EML2: variants seen among roughly 807,000 people sequenced by gnomAD.
EML2 encodes EMAP like 2.
Under a neutral mutation model 84.7 loss-of-function variants are expected in EML2, and 59 were observed. The ratio of observed to expected loss-of-function variants is 0.70; its 90% CI spans 0.56 to 0.86. The LOEUF (loss-of-function observed/expected upper bound fraction) is 0.86. Ranked by LOEUF, EML2 falls within the 40% of genes least tolerant of loss-of-function variation. EML2 has a pLI of 0.00. For missense variants in EML2, 818 were observed against 855.6 expected, an observed-to-expected ratio of 0.96 and a Z score of 0.55; for synonymous variants, 352 against 348.9, an observed-to-expected ratio of 1.01 and a Z score of -0.10.
rs1418916400 is a variant in EML2 at position 45,614,685 on chromosome 19, C to T, written c.1613G>A (p.Cys538Tyr). The T allele has an allele frequency of 1.2e-6, 2 of 1,614,038 alleles. No individual in the cohort carries two copies. The highest frequency in any genetic ancestry group is 2.2e-5 in the East Asian group (1 of 44,878). Reference sequence around the variant, plus strand: ...AGCATCCGCACTGGTGATCTGCTTACAGGTAGCCGGGTCCCCTGGGGCAGA... The same window carrying T: ...AGCATCCGCACTGGTGATCTGCTTATAGGTAGCCGGGTCCCCTGGGGCAGA... ...YEILYWDPAT[C>Y]KQITSADAVR... The change falls in exon 17 of 19, where the codon TGT becomes TAT. Residue 538 changes from cysteine to tyrosine, a missense_variant. Coordinates refer to ENST00000245925, the MANE Select transcript of EML2 (RefSeq NM_012155.4).
chr19:45,614,712 A>C lies in EML2; in HGVS notation c.1598-12T>G. 1 of 1,610,110 alleles carries C rather than the reference A, an allele frequency of 6.2e-7. No individual in the cohort carries two copies. The highest frequency in any genetic ancestry group is 8.5e-7 in the Non-Finnish European group (1 of 1,176,450). ...GGTAGCCGGGTCCCCTGGGGCAGAA[A>C]ATGGGAGGAGACATTCAGAGTTGGA... On this transcript the variant is annotated splice_polypyrimidine_tract_variant and intron_variant, in intron 16 of 18. Transcript: ENST00000245925.
chr19:45,626,188 T>C (rs554529946), intron 8 of EML2, among the ~76,000 whole-genome samples: 1 of 151,116 alleles, frequency 6.6e-6, no homozygotes, highest in South Asian at 2.1e-4. Flanking sequence ...ATTTTTGTAT[T>C]TTTTGTAGAT....
upstream of EML2, chr19:45,642,607 T>A: frequency 8.9e-7 from 1 of 1,129,724 alleles, no homozygotes; most frequent in Non-Finnish European, 1.1e-6. Flanking sequence ...GGAAGTCCCT[T>A]CCCTCTTATT....
At chr19:45,645,348 C>T, upstream of EML2, 1 of 1,530,600 alleles carries the variant, frequency 6.5e-7, no homozygotes, top group Middle Eastern at 1.9e-4. Flanking sequence ...ATCGCCCCAC[C>T]ACAGCCACCG....
chr19:45,615,705 G>A (rs1970972485), intron 16 of EML2, 97 bp downstream of exon 16: 2 of 1,075,290 alleles, frequency 1.9e-6, no homozygotes, highest in Non-Finnish European at 2.9e-6. Context: ...GAATACCAAG[G>A]GAGCGAGGCT....
chr19:45,616,812 A>T lies in EML2; in HGVS notation c.1364T>A (p.Ile455Asn). ...GATCTGTTCATTGCCGTCTGTGTGGATAGCCACCAGGTCATGGGTCTCCGT... is the reference window on the plus strand; with the variant it reads ...GATCTGTTCATTGCCGTCTGTGTGGTTAGCCACCAGGTCATGGGTCTCCGT... ...LDTETHDLVA[I>N]HTDGNEQISV... The change falls in exon 14 of 19, where the codon ATC (isoleucine) becomes AAC (asparagine). Residue 455 changes from isoleucine (I) to asparagine (N), a missense_variant. Transcript: ENST00000245925. The T allele has an allele frequency of 1.2e-6, 2 of 1,613,272 alleles. No individual in the cohort carries two copies. Among genetic ancestry groups the T allele is most frequent in the Non-Finnish European group, 1.7e-6 (2 of 1,179,924 alleles).
At chr19:45,645,383 GC>G, upstream of EML2, 2 of 1,513,212 alleles carry the variant, frequency 1.3e-6, no homozygotes, top group South Asian at 2.4e-5. Context: ...CCCAGCCCGG[GC>G]CCGGTCCCCC....
chr19:45,632,914 G>A lies in EML2; in HGVS notation c.457C>T (p.Leu153=), dbSNP rs201666064. ...DSVSLSTLHV[L]GLGVFDRAVC... is the part of the protein sequence containing the mutation. ...GCTCTGTCAAACACCCCCAAGCCCA[G>A]CACGTGTAAGGTGGAGAGGGAAACT... The change falls in exon 6 of 19, where the codon CTG becomes TTG. Residue 153 remains leucine (L), a synonymous_variant. Coordinates refer to ENST00000245925, the MANE Select transcript of EML2 (RefSeq NM_012155.4). 7.4e-6 allele frequency: 12 copies of A among 1,614,230 alleles called. No individual in the cohort carries two copies. The highest frequency in any genetic ancestry group is 6.7e-5 in the Admixed American group (4 of 60,022).
rs752735820 is a variant in EML2, at chr19:45,638,860, C to T, written c.34G>A (p.Val12Ile). 6.2e-7 allele frequency: 1 copy of T among 1,613,668 alleles called. No individual in the cohort carries two copies. Among genetic ancestry groups the T allele is most frequent in the Non-Finnish European group, 8.5e-7 (1 of 1,179,958 alleles). Residue 12 changes from valine to isoleucine, a missense_variant, in exon 2 of 19, where the codon GTT becomes ATT. By Grantham distance (29) the Val-to-Ile change is conservative. Transcript: ENST00000245925. ...CCCCACTCACCCACACTGAAGATAA[C>T]TTCTTTGGTTTTGCTGTCAGGAAAG... ...SSFGAGKTKE[V>I]IFSVEDGSVK...
chr19:45,642,121 C>A, upstream of EML2: 1 of 1,489,224 alleles, frequency 6.7e-7, no homozygotes, highest in Non-Finnish European at 8.9e-7. Context: ...CCCCTCCAGT[C>A]TAACGGGGAT....
upstream of EML2, chr19:45,639,463 C>T: frequency 8.2e-7 from 1 of 1,220,254 alleles, no homozygotes; most frequent in Non-Finnish European, 1.0e-6. Context: ...CGGGCCGCCG[C>T]GCCCCTGCCC....
At chr19:45,644,215 A>C (rs907316407), upstream of EML2, among the ~76,000 whole-genome samples, 12 of 152,138 alleles carry the variant, frequency 7.9e-5, no homozygotes, top group African/African-American at 2.9e-4. Context: ...GCTTTTGGCA[A>C]CTCTAGTAGT....
At chr19:45,614,828 G>A in intron 16 of EML2, 128 bp from the exon 17 acceptor site, 1 of 722,632 alleles carries the variant, frequency 1.4e-6, no homozygotes, top group Non-Finnish European at 2.4e-6. Flanking sequence ...CATTCTACCT[G>A]TCAGGACTGG....
At chr19:45,639,896 A>AG (rs1318117524), upstream of EML2, 1 of 152,262 alleles carries the variant, frequency 6.6e-6, no homozygotes, top group Non-Finnish European at 1.5e-5. Flanking sequence ...TGGGAGGCTG[A>AG]GGCAGGAAAA....
At chr19:45,611,367 C>T (rs965828209) in intron 18 of EML2, among the ~76,000 whole-genome samples, 11 of 151,432 alleles carry the variant, frequency 7.3e-5, no homozygotes, top group African/African-American at 1.5e-4. Flanking sequence ...GCCAAGATCG[C>T]GCCATTGCAC....
intron 13 of EML2, among the ~76,000 whole-genome samples, chr19:45,617,168 C>T (rs1971186867): frequency 6.6e-6 from 1 of 151,584 alleles, no homozygotes; most frequent in African/African-American, 2.4e-5. Flanking sequence ...ATTGCTTGAA[C>T]CCGGGAGGCA....
chr19:45,632,797 G>A (rs957663082), intron 6 of EML2, 64 bp downstream of exon 6: 1 of 1,423,124 alleles, frequency 7.0e-7, no homozygotes, highest in Non-Finnish European at 9.8e-7. Flanking sequence ...CGGGTGAAAA[G>A]GTGCGGGCAC....
intron 18 of EML2, among the ~76,000 whole-genome samples, chr19:45,611,982 C>T (rs1970549632): frequency 6.6e-6 from 1 of 152,182 alleles, no homozygotes; most frequent in Admixed American, 6.5e-5. Flanking sequence ...GGCAATTCTC[C>T]CGCCTCACCT....
intron 17 of EML2, among the ~76,000 whole-genome samples, chr19:45,614,110 C>G (rs1190512361): frequency 2.0e-5 from 3 of 152,208 alleles, no homozygotes; most frequent in Non-Finnish European, 4.4e-5. Flanking sequence ...CAGGTCCTAG[C>G]TCAGATGTCT....
Sources: gnomAD v4.1 joint callset for allele counts (sites outside exome capture counted in the v4.1 genomes callset) on GRCh38, gnomAD v4.1.1 for gene constraint, MANE v1.5 for transcripts, NCBI Gene and HGNC (gene_info 2026-07-23, HGNC 2026-07-21) for gene names.